Variants in XK observed in about 807,000 individuals in gnomAD.
XK encodes the protein endoplasmic reticulum membrane adapter protein XK.
In XK, 2 loss-of-function variants were observed where a neutral mutation model predicts 14.0. That is an observed-to-expected ratio of 0.14 (90% CI 0.06 to 0.45). The LOEUF (loss-of-function observed/expected upper bound fraction) is 0.45. XK is among the 20% of genes least tolerant of loss of function. The pLI is 0.98. For missense variants in XK, 235 were observed against 341.5 expected (o/e 0.69, Z 2.46); for synonymous variants, 149 against 147.5 (o/e 1.01, Z -0.08).
At position 37,730,861 on chromosome X, in the gene XK, C is replaced by A. The variant is rs1556451003; in HGVS notation, c.*2399C>A. 1 of 112,098 alleles carries A rather than the reference C, an allele frequency of 8.9e-6. No individual in the cohort carries two copies. 9.2% of individuals were successfully genotyped at this position (112,098 alleles called of 1,213,427 possible). A position where few individuals can be genotyped will look rare whatever the true frequency, so the allele number is the denominator to read the frequency against. ...GTGATCCCAAACCAAACTAACAGTGCTGGTTTGTCCGACACCCAAAGCCCA... is the reference window on the plus strand; with the variant it reads ...GTGATCCCAAACCAAACTAACAGTGATGGTTTGTCCGACACCCAAAGCCCA... On this transcript the variant is annotated 3_prime_UTR_variant, in exon 3 of 3. Coordinates refer to ENST00000378616, the MANE Select transcript of XK (RefSeq NM_021083.4).
At chrX:37,715,284 T>G (rs1230055643) in intron 2 of XK, among the ~76,000 whole-genome samples, 1 of 111,396 alleles carries the variant, frequency 9.0e-6, no homozygotes, top group Non-Finnish European at 1.9e-5. Context: ...TGTCATGATT[T>G]CAGAGTTTAT....
chrX:37,715,106 A>G (rs782623082), intron 2 of XK, among the ~76,000 whole-genome samples: 86 of 109,354 alleles, frequency 7.9e-4, no homozygotes, highest in Non-Finnish European at 1.1e-3. Flanking sequence ...GTGTGTGTGT[A>G]TATATATATA....
In XK at chrX:37,704,021, T is replaced by C. The variant is rs1290513893; in HGVS notation, c.508+9473T>C. Among the ~76,000 whole-genome samples the C allele has an allele frequency of 5.4e-5, 6 of 112,072 alleles. No individual in the cohort carries two copies. The Admixed American group carries it at 5.6e-4, about 11-fold the overall frequency. On this transcript the variant is annotated intron_variant, in intron 2 of 2. Coordinates refer to ENST00000378616, the MANE Select transcript of XK (RefSeq NM_021083.4). ...TGTTATGAACACAAATTTGTCTCAG[T>C]TAAGGTGTTCTGGAAATTCTGACTC...
chrX:37,711,652 C>T (rs1227149241), intron 2 of XK, among the ~76,000 whole-genome samples: 1 of 112,036 alleles, frequency 8.9e-6, no homozygotes, highest in Non-Finnish European at 1.9e-5. Flanking sequence ...CACCCAACTC[C>T]TTCAATTCTG....
At chrX:37,711,833 G>A (rs917459208) in intron 2 of XK, among the ~76,000 whole-genome samples, 3 of 111,740 alleles carry the variant, frequency 2.7e-5, no homozygotes, top group Non-Finnish European at 5.6e-5. Context: ...TTCTGTCACA[G>A]ATGATGTGAC....
At chrX:37,719,195 T>C (rs192672799) in intron 2 of XK, among the ~76,000 whole-genome samples, 1 of 111,887 alleles carries the variant, frequency 8.9e-6, no homozygotes. Flanking sequence ...TCTGTCATTA[T>C]TGTTACTCGT....
chrX:37,716,231 CAGA>C (rs1927763353), intron 2 of XK, among the ~76,000 whole-genome samples: 1 of 112,256 alleles, frequency 8.9e-6, no homozygotes, highest in Non-Finnish European at 1.9e-5. Context: ...TAATCACACA[CAGA>C]AGAAGTGATA....
chrX:37,718,586 C>T (rs1270513783), intron 2 of XK, among the ~76,000 whole-genome samples: 1 of 111,635 alleles, frequency 9.0e-6, no homozygotes, highest in Non-Finnish European at 1.9e-5. Context: ...AGTTCTGTTG[C>T]ATGTATATGC....
chrX:37,723,196 C>A (rs1434891073), intron 2 of XK, among the ~76,000 whole-genome samples: 1 of 111,587 alleles, frequency 9.0e-6, no homozygotes, highest in Non-Finnish European at 1.9e-5. Context: ...CTTAAATAGG[C>A]AGTACTGCCA....
At chrX:37,690,706 A>G (rs1927185421) in intron 1 of XK, among the ~76,000 whole-genome samples, 1 of 112,056 alleles carries the variant, frequency 8.9e-6, no homozygotes, top group Admixed American at 9.5e-5. Context: ...CATTGCAGAG[A>G]CAGACTTGAG....
At chrX:37,718,216 C>G (rs1927803181) in intron 2 of XK, among the ~76,000 whole-genome samples, 1 of 111,249 alleles carries the variant, frequency 9.0e-6, no homozygotes, top group African/African-American at 3.3e-5. Context: ...CCAAAAGACT[C>G]CTTATGTTTC....
intron 2 of XK, among the ~76,000 whole-genome samples, chrX:37,702,984 C>T (rs1338935568): frequency 8.9e-6 from 1 of 111,849 alleles, no homozygotes; most frequent in Non-Finnish European, 1.9e-5. Flanking sequence ...CTGGTATATA[C>T]CTTGTTCAAA....
intron 2 of XK, among the ~76,000 whole-genome samples, chrX:37,695,567 T>C (rs1556442368): frequency 8.9e-6 from 1 of 112,145 alleles, no homozygotes. Flanking sequence ...TAAGTTTTAT[T>C]ATCGGTATAC....
chrX:37,712,488 C>T (rs1205217546), intron 2 of XK, among the ~76,000 whole-genome samples: 1 of 112,056 alleles, frequency 8.9e-6, no homozygotes, highest in East Asian at 2.8e-4. Flanking sequence ...CATGTGTGTA[C>T]TCACACACAT....
In XK at chrX:37,728,366, A is replaced by G. The variant is rs1556450553; in HGVS notation, c.1239A>G (p.Leu413=). ...GTGAGCCGATAGGAAAGGAAGATCTACAGTCATCCAGAGATAGAGATGAGA... is the reference window on the plus strand; with the variant it reads ...GTGAGCCGATAGGAAAGGAAGATCTGCAGTCATCCAGAGATAGAGATGAGA... The part of the protein sequence containing the change: ...KPCEPIGKED[L]QSSRDRDETP... Residue 413 remains leucine (L), a synonymous_variant, in exon 3 of 3, where the codon CTA becomes CTG. Coordinates refer to ENST00000378616, the MANE Select transcript of XK (RefSeq NM_021083.4). 1 of 1,210,754 alleles carries G rather than the reference A, an allele frequency of 8.3e-7. No individual in the cohort carries two copies. Among genetic ancestry groups the G allele is most frequent in the South Asian group, 1.8e-5 (1 of 56,972 alleles).
At chrX:37,703,286 T>TAAAGCAAAAG (rs1397206085) in intron 2 of XK, among the ~76,000 whole-genome samples, 2 of 112,289 alleles carry the variant, frequency 1.8e-5, no homozygotes, top group Non-Finnish European at 3.8e-5. Context: ...CTACTTCTGT[T>TAAAGCAAAAG]AAAGCAAAAG....
intron 2 of XK, among the ~76,000 whole-genome samples, chrX:37,719,199 T>C (rs1556448441): frequency 8.9e-6 from 1 of 111,839 alleles, no homozygotes; most frequent in African/African-American, 3.2e-5. Flanking sequence ...TCATTATTGT[T>C]ACTCGTTTGA....
At chrX:37,717,534 A>G (rs1445922256) in intron 2 of XK, among the ~76,000 whole-genome samples, 1 of 111,800 alleles carries the variant, frequency 8.9e-6, no homozygotes, top group Non-Finnish European at 1.9e-5. Flanking sequence ...GCTGGAGGAG[A>G]TCTTGTCATC....
At position 37,728,045 on chromosome X, in the gene XK, C is replaced by T. The variant is rs1331273239; in HGVS notation, c.918C>T (p.Asp306=). 4 of 1,209,460 alleles carry T rather than the reference C, an allele frequency of 3.3e-6. No individual in the cohort carries two copies. The highest frequency in any genetic ancestry group is 4.5e-6 in the Non-Finnish European group (4 of 895,146). The part of the protein sequence containing the change: ...SAVQLKIDSP[D]LISKSHNWYQ... ...TACAGCTGAAAATTGACAGCCCTGA[C>T]CTCATCAGCAAGTCCCATAATTGGT... Residue 306 remains aspartate, a synonymous_variant, in exon 3 of 3, where the codon GAC becomes GAT. Transcript: ENST00000378616.
Sources: allele counts gnomAD v4.1 joint callset (sites outside exome capture counted in the v4.1 genomes callset), GRCh38; gene constraint gnomAD v4.1.1; transcripts MANE v1.5; gene names NCBI Gene and HGNC (gene_info 2026-07-23, HGNC 2026-07-21).